Variants in PCDHGB6 observed in about 807,000 individuals in gnomAD.
PCDHGB6 encodes protocadherin gamma-B6.
A neutral mutation model predicts 59.1 loss-of-function variants in PCDHGB6; 51 were observed. That is an observed-to-expected ratio of 0.86 (90% confidence interval 0.69 to 1.09). The LOEUF is 1.09. Among genes scored for constraint, PCDHGB6 ranks in the 50% least tolerant of loss-of-function variants. PCDHGB6 has a pLI of 0.00. For missense variants in PCDHGB6, 1,148 were observed against 1,205.1 expected (o/e 0.95, Z 0.70); for synonymous variants, 466 against 495.1 (o/e 0.94, Z 0.78).
chr5:141,464,898 C>T (rs969877255), intron 1 of PCDHGB6, among the ~76,000 whole-genome samples: 4 of 151,958 alleles, frequency 2.6e-5, no homozygotes, highest in African/African-American at 4.8e-5. Flanking sequence ...GCCACCATGT[C>T]CAGCTAATTT....
intron 1 of PCDHGB6, chr5:141,421,909 C>T: frequency 1.9e-6 from 3 of 1,613,710 alleles, no homozygotes; most frequent in Non-Finnish European, 2.5e-6. Context: ...GGGCGCAGTT[C>T]CCATTCGTGT....
chr5:141,418,391 T>G, intron 1 of PCDHGB6: 1 of 1,614,010 alleles, frequency 6.2e-7, no homozygotes, highest in Non-Finnish European at 8.5e-7. Context: ...TAACGAGTAT[T>G]TCTCATTGGT....
chr5:141,408,080 C>G lies in PCDHGB6; in HGVS notation c.-123C>G. ...CCGGCTGCGCAGACCTTTCCCAGCA[C>G]AGCGGATTGCCAGCTCCGAGACCCG... On this transcript the variant is annotated 5_prime_UTR_variant, in exon 1 of 4. Coordinates refer to ENST00000520790, the MANE Select transcript of PCDHGB6 (RefSeq NM_018926.3). 1 of 1,412,844 alleles carries G rather than the reference C, an allele frequency of 7.1e-7. No individual in the cohort carries two copies. Among genetic ancestry groups the G allele is most frequent in the Non-Finnish European group, 9.3e-7 (1 of 1,072,650 alleles). 87.5% of individuals were successfully genotyped at this position (1,412,844 alleles called of 1,614,324 possible).
intron 1 of PCDHGB6, chr5:141,414,747 C>T (rs556012378): frequency 6.2e-7 from 1 of 1,614,214 alleles, no homozygotes; most frequent in African/African-American, 1.3e-5. Flanking sequence ...TCAGATCCTT[C>T]GACTATGAGC....
chr5:141,431,354 G>C lies in PCDHGB6; in HGVS notation c.2418+20734G>C. 6.2e-7 allele frequency: 1 copy of C among 1,614,036 alleles called. No individual in the cohort carries two copies. Among genetic ancestry groups the C allele is most frequent in the Non-Finnish European group, 8.5e-7 (1 of 1,180,038 alleles). ...GTACCCCGAATTGGTGCTGAAACGC[G>C]CCCTGGACCGCGAAGAAAAGGCTGC... On this transcript the variant is annotated intron_variant, in intron 1 of 3. Transcript: ENST00000520790. This position sits in a 1 kb window ranked among gnomAD's most constrained non-coding sequence, Gnocchi z 4.8.
rs547410815 is a variant in PCDHGB6 at position 141,418,658 on chromosome 5, A to T, written c.2418+8038A>T. ...CACCTCCATCCTGAGAGTGAAGGCC[A>T]CTGACCAGGACGAGGGCATCAACTC... is the stretch of plus-strand genomic sequence containing the variant. On this transcript the variant is annotated intron_variant, in intron 1 of 3. Transcript: ENST00000520790. 2.6e-4 allele frequency: 419 copies of T among 1,614,030 alleles called. 6 individuals carry two copies. The South Asian group carries it at 4.2e-3, about 16-fold the overall frequency.
chr5:141,439,226 G>A (rs1337835258), intron 1 of PCDHGB6, among the ~76,000 whole-genome samples: 1 of 151,442 alleles, frequency 6.6e-6, no homozygotes, highest in African/African-American at 2.4e-5. Flanking sequence ...AAAATTCTTA[G>A]AAGCTTCCTA....
chr5:141,448,099 T>C (rs1002430560), intron 1 of PCDHGB6, among the ~76,000 whole-genome samples: 1 of 151,272 alleles, frequency 6.6e-6, no homozygotes, highest in African/African-American at 2.4e-5. Context: ...AAAAAAAAAA[T>C]TAAAAGAAAA....
chr5:141,509,765 T>G (rs1312823974), intron 3 of PCDHGB6, among the ~76,000 whole-genome samples: 2 of 152,120 alleles, frequency 1.3e-5, no homozygotes, highest in Non-Finnish European at 1.5e-5. Flanking sequence ...GTCCCTGAGA[T>G]GTCTAGTCCC....
intron 1 of PCDHGB6, among the ~76,000 whole-genome samples, chr5:141,456,266 C>G (rs1273258132): frequency 6.6e-6 from 1 of 152,128 alleles, no homozygotes; most frequent in Non-Finnish European, 1.5e-5. Context: ...TTGCTTCTGG[C>G]TACTTCCTGC....
intron 1 of PCDHGB6, among the ~76,000 whole-genome samples, chr5:141,465,300 G>A (rs904996219): frequency 1.3e-5 from 2 of 152,112 alleles, no homozygotes; most frequent in Non-Finnish European, 2.9e-5. Flanking sequence ...TGAGAGTCCT[G>A]GGAATTTAGC....
rs1196201183 is a variant in PCDHGB6, at chr5:141,490,944, G to A, written c.2419-3863G>A. ...ATGCCCCAGCTGTGCTGCACCCACG[G>A]CCAGACTGGGAACACTCAGCCCCCC... On this transcript the variant is annotated intron_variant, in intron 1 of 3. Transcript: ENST00000520790. This position sits in a 1 kb window ranked among gnomAD's most constrained non-coding sequence, Gnocchi z 5.4. 6.2e-7 allele frequency: 1 copy of A among 1,613,488 alleles called. No individual in the cohort carries two copies. The highest frequency in any genetic ancestry group is 1.3e-5 in the African/African-American group (1 of 74,906).
Position 141,485,574 on chromosome 5 carries a change from C to T in PCDHGB6, c.2419-9233C>T. 1 of 1,612,568 alleles carries T rather than the reference C, an allele frequency of 6.2e-7. No homozygotes were observed. Among genetic ancestry groups the T allele is most frequent in the Non-Finnish European group, 8.5e-7 (1 of 1,178,752 alleles). On this transcript the variant is annotated intron_variant, in intron 1 of 3. Transcript: ENST00000520790. This position sits in a 1 kb window ranked among gnomAD's most constrained non-coding sequence, Gnocchi z 5.7. ...GTGAATGATCACGCCCCCCGTTTTCCGCGGCAGCAGCTGGACTTGGAAATT... is the reference window on the plus strand; with the variant it reads ...GTGAATGATCACGCCCCCCGTTTTCTGCGGCAGCAGCTGGACTTGGAAATT...
chr5:141,501,300 C>T (rs867143352), intron 2 of PCDHGB6, among the ~76,000 whole-genome samples: 2,626 of 150,646 alleles, frequency 0.017, 74 homozygotes, highest in African/African-American at 0.06. Context: ...TACACACACA[C>T]ACACACACAC....
intron 1 of PCDHGB6, among the ~76,000 whole-genome samples, chr5:141,463,809 T>G (rs964935762): frequency 1.3e-5 from 2 of 152,216 alleles, no homozygotes; most frequent in African/African-American, 4.8e-5. Context: ...TAAAAGCTTT[T>G]ATCACACATT....
intron 1 of PCDHGB6, among the ~76,000 whole-genome samples, chr5:141,433,790 T>A (rs1052636810): frequency 2.0e-5 from 3 of 151,564 alleles, no homozygotes; most frequent in South Asian, 4.2e-4. Flanking sequence ...TGAGCTGAGA[T>A]TGTGCCATTG....
intron 1 of PCDHGB6, among the ~76,000 whole-genome samples, chr5:141,445,923 T>C (rs1169404585): frequency 6.6e-6 from 1 of 152,200 alleles, no homozygotes; most frequent in Non-Finnish European, 1.5e-5. Context: ...AGTGACAAGA[T>C]ATTTGAATTA....
At chr5:141,456,341 C>G (rs950158154) in intron 1 of PCDHGB6, among the ~76,000 whole-genome samples, 4 of 152,034 alleles carry the variant, frequency 2.6e-5, no homozygotes, top group Admixed American at 1.3e-4. Context: ...TAAGGGTCCT[C>G]GGAAGAATGG....
chr5:141,470,658 G>T lies in PCDHGB6; in HGVS notation c.2419-24149G>T, dbSNP rs527415532. Among the ~76,000 whole-genome samples the T allele has an allele frequency of 4.7e-3, 721 of 152,024 alleles. 9 individuals carry two copies. The highest frequency in any genetic ancestry group is 6.7e-3 in the Non-Finnish European group (452 of 67,944). On this transcript the variant is annotated intron_variant, in intron 1 of 3. Transcript: ENST00000520790. ...CTTGCTTTGAAGGCCCCTACCCTTT[G>T]GTTAGGGCTCTGCTGTTACCATCTT... is the stretch of plus-strand genomic sequence containing the variant.
Sources: allele counts gnomAD v4.1 joint callset (sites outside exome capture counted in the v4.1 genomes callset), GRCh38; gene constraint gnomAD v4.1.1; non-coding constraint Gnocchi (gnomAD v3.1); transcripts MANE v1.5; gene names NCBI Gene and HGNC (gene_info 2026-07-23, HGNC 2026-07-21).